The following AGMO variants were observed in gnomAD, a reference collection of about 807,000 sequenced individuals.
The protein encoded by AGMO is glyceryl-ether monooxygenase.
A neutral mutation model predicts 60.2 loss-of-function variants in AGMO; 75 were observed. That is an observed-to-expected ratio of 1.25 (90% CI 1.03 to 1.51). The LOEUF (loss-of-function observed/expected upper bound fraction) is 1.51. Among genes scored for constraint, AGMO ranks in the 40% most tolerant of loss-of-function variants. The pLI is 0.00. For missense variants in AGMO, 763 were observed against 525.5 expected (o/e 1.45, Z -4.42); for synonymous variants, 261 against 177.1 (o/e 1.47, Z -3.76).
At position 15,489,101 on chromosome 7, in the gene AGMO, C is replaced by T. The variant is rs964853724; in HGVS notation, c.409+55671G>A. 2.6e-5 allele frequency among the ~76,000 whole-genome samples: 4 copies of T among 152,152 alleles called. No homozygotes were observed. The South Asian group carries it at 8.3e-4, about 32-fold the overall frequency. On this transcript the variant is annotated intron_variant, in intron 3 of 12. Coordinates refer to ENST00000342526, the MANE Select transcript of AGMO (RefSeq NM_001004320.2). Reference sequence around the variant, plus strand: ...ATGAACACTGCCATAAAAACATGAACTCTTAGCTTTTAATGATTGTTTTTA... The same window carrying T: ...ATGAACACTGCCATAAAAACATGAATTCTTAGCTTTTAATGATTGTTTTTA...
At position 15,418,628 on chromosome 7, in the gene AGMO, A is replaced by C. The variant is rs773227617; in HGVS notation, c.539T>G (p.Phe180Cys). The change falls in exon 5 of 13, where the codon TTC becomes TGC. Residue 180 changes from phenylalanine (F) to cysteine (C), a missense_variant. Phe to Cys is a radical substitution (Grantham distance 205). Transcript: ENST00000342526. Reference sequence around the variant, plus strand: ...AACAGCATATACTGAAGGGGGTATGAAGAGGGCCAGGGGAGAGTAGAAAAT... The same window carrying C: ...AACAGCATATACTGAAGGGGGTATGCAGAGGGCCAGGGGAGAGTAGAAAAT... ...SWIFYSPLAL[F>C]IPPSVYAVHL... 12 of 1,577,142 alleles carry C rather than the reference A, an allele frequency of 7.6e-6. No individual in the cohort carries two copies. In the East Asian group the frequency reaches 2.5e-4, roughly 33 times the overall value.
At chr7:15,473,723 A>T (rs1323362792) in intron 3 of AGMO, among the ~76,000 whole-genome samples, 1 of 152,122 alleles carries the variant, frequency 6.6e-6, no homozygotes, top group Non-Finnish European at 1.5e-5. Context: ...GAAATCAGGC[A>T]AGAGAAAGAA....
intron 4 of AGMO, among the ~76,000 whole-genome samples, chr7:15,429,193 G>A (rs1254916889): frequency 6.6e-6 from 1 of 151,900 alleles, no homozygotes; most frequent in East Asian, 1.9e-4. Context: ...CTTCAATAGT[G>A]CCTTCCCTAC....
In AGMO at chr7:15,365,613, C is replaced by T; in HGVS notation, c.1164G>A (p.Lys388=). 6.2e-7 allele frequency: 1 copy of T among 1,611,322 alleles called. No individual in the cohort carries two copies. The highest frequency in any genetic ancestry group is 8.5e-7 in the Non-Finnish European group (1 of 1,178,000). ...SIGFLLDQRP[K]AAIMETLRCL... is the part of the protein sequence containing the mutation. ...AACGGAGAGTTTCCATAATAGCTGC[C>T]TTGGGTCTGAAATAAAATGTCATTA... is the stretch of plus-strand genomic sequence containing the variant. The change falls in exon 12 of 13, where the codon AAG becomes AAA. Residue 388 remains lysine (K), a synonymous_variant. Coordinates refer to ENST00000342526, the MANE Select transcript of AGMO (RefSeq NM_001004320.2).
At chr7:15,427,017 T>G (rs1208974057) in intron 4 of AGMO, among the ~76,000 whole-genome samples, 1 of 152,130 alleles carries the variant, frequency 6.6e-6, no homozygotes, top group Non-Finnish European at 1.5e-5. Flanking sequence ...GTTAGCTTCA[T>G]TCGAATGGTG....
At chr7:15,416,766 A>C (rs1429537933) in intron 5 of AGMO, among the ~76,000 whole-genome samples, 2 of 152,236 alleles carry the variant, frequency 1.3e-5, no homozygotes, top group East Asian at 3.8e-4. Flanking sequence ...AGGAAAACAT[A>C]AAGTGAGTAT....
At chr7:15,247,355 T>C (rs912401440) in intron 12 of AGMO, among the ~76,000 whole-genome samples, 2 of 150,532 alleles carry the variant, frequency 1.3e-5, no homozygotes, top group African/African-American at 2.5e-5. Context: ...TAAAATATGA[T>C]AAAACAAGGA....
intron 3 of AGMO, among the ~76,000 whole-genome samples, chr7:15,444,296 G>T (rs1440797905): frequency 6.6e-6 from 1 of 151,930 alleles, no homozygotes; most frequent in Non-Finnish European, 1.5e-5. Context: ...CCTTTACACT[G>T]ATTCCCTCTC....
chr7:15,130,472 T>C, the AGMO span, among the ~76,000 whole-genome samples: 1 of 152,178 alleles, frequency 6.6e-6, no homozygotes, highest in African/African-American at 2.4e-5. Context: ...TCAGGCCCCC[T>C]AAAAATGATA....
At chr7:15,365,295 A>G (rs544480744) in intron 12 of AGMO, among the ~76,000 whole-genome samples, 1 of 150,118 alleles carries the variant, frequency 6.7e-6, no homozygotes, top group Non-Finnish European at 1.5e-5. Context: ...GAGGTTGATG[A>G]TATCAATCCA....
chr7:15,385,392 TCAAA>T (rs1183234490), intron 10 of AGMO, 50 bp downstream of exon 10: 2 of 1,222,192 alleles, frequency 1.6e-6, no homozygotes, highest in Admixed American at 2.0e-5. Flanking sequence ...ATTTTCATTT[TCAAA>T]CAAAGTAACA....
intron 12 of AGMO, among the ~76,000 whole-genome samples, chr7:15,237,745 C>A (rs1016169240): frequency 2.6e-5 from 4 of 152,060 alleles, no homozygotes; most frequent in African/African-American, 7.2e-5. Context: ...ACGTTCACCT[C>A]AGCTTGACCA....
intron 3 of AGMO, among the ~76,000 whole-genome samples, chr7:15,437,896 T>C (rs966090909): frequency 5.3e-5 from 8 of 152,170 alleles, no homozygotes; most frequent in African/African-American, 1.9e-4. Flanking sequence ...TCCATGAGTC[T>C]TTAGGAGTCA....
At chr7:15,483,847 A>G (rs1782837879) in intron 3 of AGMO, among the ~76,000 whole-genome samples, 1 of 152,160 alleles carries the variant, frequency 6.6e-6, no homozygotes, top group South Asian at 2.1e-4. Context: ...AATTTATATA[A>G]AGATTCAGGG....
chr7:15,393,826 C>G (rs1784251036), intron 6 of AGMO, among the ~76,000 whole-genome samples: 2 of 152,052 alleles, frequency 1.3e-5, no homozygotes, highest in African/African-American at 4.8e-5. Flanking sequence ...TGTGTATTTC[C>G]TCAGCTGGTT....
chr7:15,560,142 T>C lies in AGMO; in HGVS notation c.256A>G (p.Ser86Gly), dbSNP rs148330185. The C allele has an allele frequency of 4.2e-5, 67 of 1,607,196 alleles. No homozygotes were observed. Among genetic ancestry groups the C allele is most frequent in the Non-Finnish European group, 5.4e-5 (64 of 1,175,560 alleles). Reference sequence around the variant, plus strand: ...AGCGTTGTTGACCATCTAACTCACCTTGGAAGTCGAGACAGAACACCAGCT... The same window carrying C: ...AGCGTTGTTGACCATCTAACTCACCCTGGAAGTCGAGACAGAACACCAGCT... The part of the protein sequence containing the change: ...ISAGVLSRLP[S>G]LFFRSIELTS... The change falls in exon 2 of 13, where the codon AGT (serine) becomes GGT (glycine). Residue 86 changes from serine (S) to glycine (G), a missense_variant and splice_region_variant. By Grantham distance (56) the Ser-to-Gly change is moderately conservative. Coordinates refer to ENST00000342526, the MANE Select transcript of AGMO (RefSeq NM_001004320.2).
intron 12 of AGMO, among the ~76,000 whole-genome samples, chr7:15,202,519 G>A (rs538326193): frequency 8.0e-6 from 1 of 125,780 alleles, no homozygotes; most frequent in Non-Finnish European, 1.6e-5. Flanking sequence ...TTCCATTTAT[G>A]AGTGGGTTGT....
intron 12 of AGMO, among the ~76,000 whole-genome samples, chr7:15,277,428 C>G (rs577118680): frequency 7.2e-5 from 11 of 152,234 alleles, no homozygotes; most frequent in Middle Eastern, 3.4e-3. Context: ...TTGGTGGTGT[C>G]ATGACATTCA....
chr7:15,144,757 G>T, the AGMO span, among the ~76,000 whole-genome samples: 1 of 152,154 alleles, frequency 6.6e-6, no homozygotes, highest in Non-Finnish European at 1.5e-5. Context: ...ACATACTGGT[G>T]TTAGGAATTA....
Sources: gnomAD v4.1 joint callset for allele counts (sites outside exome capture counted in the v4.1 genomes callset) on GRCh38, gnomAD v4.1.1 for gene constraint, MANE v1.5 for transcripts, NCBI Gene and HGNC (gene_info 2026-07-23, HGNC 2026-07-21) for gene names.